The following AP4S1 variants were observed in gnomAD, a reference collection of about 807,000 sequenced individuals.
AP4S1 encodes adaptor related protein complex 4 subunit sigma 1.
Under a neutral mutation model 19.8 loss-of-function variants are expected in AP4S1, and 23 were observed. The ratio of observed to expected loss-of-function variants is 1.16; its 90% confidence interval spans 0.84 to 1.65. The LOEUF is 1.65. Among genes scored for constraint, AP4S1 ranks in the 40% most tolerant of loss-of-function variants. The pLI, the probability that AP4S1 is intolerant of heterozygous loss-of-function variation, is 0.00. For missense variants in AP4S1, 166 were observed against 172.8 expected, an observed-to-expected ratio of 0.96 and a Z score of 0.22; for synonymous variants, 46 against 54.1, an observed-to-expected ratio of 0.85 and a Z score of 0.66.
In AP4S1 at chr14:31,060,039, GTA is replaced by G. The variant is rs1016460281; in HGVS notation, c.-71-6079_-71-6078del. On this transcript the variant is annotated intron_variant, in intron 1 of 5. Coordinates refer to ENST00000542754, the MANE Select transcript of AP4S1 (RefSeq NM_001128126.3). ...TATGTATATATATTTATGTATATAT[GTA>G]TATATATTTATATATTTATGTATAT... is the stretch of plus-strand genomic sequence containing the variant. Among the ~76,000 whole-genome samples, 3 of 144,888 alleles carry G rather than the reference GTA, an allele frequency of 2.1e-5. No homozygotes were observed. The South Asian group carries it at 6.5e-4, about 31-fold the overall frequency.
chr14:31,063,751 A>G (rs1046232996), intron 1 of AP4S1, among the ~76,000 whole-genome samples: 3 of 152,186 alleles, frequency 2.0e-5, no homozygotes, highest in Non-Finnish European at 2.9e-5. Flanking sequence ...GGAAGAATCG[A>G]TGAACTCTAA....
intron 1 of AP4S1, among the ~76,000 whole-genome samples, chr14:31,064,271 A>G (rs548975760): frequency 6.6e-5 from 10 of 151,384 alleles, no homozygotes; most frequent in Non-Finnish European, 1.2e-4. Flanking sequence ...CTTTTTTTTT[A>G]AGAGTCTTGC....
chr14:31,033,752 C>T (rs993303652), intron 1 of AP4S1, among the ~76,000 whole-genome samples: 1 of 152,150 alleles, frequency 6.6e-6, no homozygotes, highest in Non-Finnish European at 1.5e-5. Context: ...CACTTGAACC[C>T]TTTGGATAAT....
intron 5 of AP4S1, among the ~76,000 whole-genome samples, chr14:31,088,583 G>A (rs964352032): frequency 1.3e-5 from 2 of 151,776 alleles, no homozygotes; most frequent in Non-Finnish European, 2.9e-5. Context: ...TGAGGCAGGC[G>A]GATCACCTGA....
chr14:31,083,672 T>G, intron 5 of AP4S1: 1 of 397,238 alleles, frequency 2.5e-6, no homozygotes, highest in Non-Finnish European at 5.0e-6. Flanking sequence ...GCCTGGCTAA[T>G]TTTTTAAATT....
At chr14:31,026,197 C>A in intron 1 of AP4S1, 1 of 1,415,508 alleles carries the variant, frequency 7.1e-7, no homozygotes, top group South Asian at 1.5e-5. Flanking sequence ...GTGTGTGGGG[C>A]CCCGGCCGGG....
intron 5 of AP4S1, chr14:31,084,833 CAG>C (rs776262242): frequency 1.9e-6 from 3 of 1,614,190 alleles, no homozygotes; most frequent in South Asian, 2.2e-5. Flanking sequence ...TGCTTTTCTC[CAG>C]ACAGTTCATC....
intron 1 of AP4S1, among the ~76,000 whole-genome samples, chr14:31,036,213 A>G (rs1884766720): frequency 6.6e-6 from 1 of 152,106 alleles, no homozygotes; most frequent in South Asian, 2.1e-4. Context: ...AATTTGTTCA[A>G]TAGCAATAGA....
intron 1 of AP4S1, among the ~76,000 whole-genome samples, chr14:31,032,472 C>T (rs1354997119): frequency 5.9e-5 from 9 of 151,680 alleles, no homozygotes; most frequent in East Asian, 1.9e-4. Context: ...GAGTGTTGAC[C>T]GGGCCTCTGA....
intron 5 of AP4S1, among the ~76,000 whole-genome samples, chr14:31,088,312 G>A (rs987317417): frequency 2.4e-4 from 37 of 152,224 alleles, no homozygotes; most frequent in African/African-American, 7.9e-4. Flanking sequence ...TGTGGGTTCT[G>A]TTTTAGTCAG....
chr14:31,066,068 A>G (rs1235139380), intron 1 of AP4S1, 58 bp from the exon 2 acceptor site: 10 of 800,420 alleles, frequency 1.2e-5, no homozygotes, highest in Non-Finnish European at 2.0e-5. Context: ...AACATTTAAT[A>G]TAATTATTTG....
At chr14:31,080,657 A>G in intron 5 of AP4S1, 73 bp downstream of exon 5, 1 of 1,604,600 alleles carries the variant, frequency 6.2e-7, no homozygotes, top group Non-Finnish European at 8.5e-7. Context: ...AAGTACCACA[A>G]GGCAGGAAAA....
At chr14:31,050,339 C>A (rs1417852633) in intron 1 of AP4S1, among the ~76,000 whole-genome samples, 1 of 152,054 alleles carries the variant, frequency 6.6e-6, no homozygotes, top group Non-Finnish European at 1.5e-5. Flanking sequence ...GGATTATAGG[C>A]GTGAGCCACC....
intron 4 of AP4S1, among the ~76,000 whole-genome samples, chr14:31,076,018 G>A (rs1310625785): frequency 6.6e-6 from 1 of 152,178 alleles, no homozygotes; most frequent in Non-Finnish European, 1.5e-5. Context: ...TTACAGGCGT[G>A]AGCCGTCACG....
chr14:31,056,948 C>T (rs1277740770), intron 1 of AP4S1, among the ~76,000 whole-genome samples: 1 of 152,032 alleles, frequency 6.6e-6, no homozygotes, highest in Non-Finnish European at 1.5e-5. Flanking sequence ...GTGGTGTGCA[C>T]CTGTAGTCCC....
intron 1 of AP4S1, among the ~76,000 whole-genome samples, chr14:31,065,924 T>A (rs1489736704): frequency 6.6e-6 from 1 of 152,194 alleles, no homozygotes; most frequent in Non-Finnish European, 1.5e-5. Flanking sequence ...CCTCCCAAAG[T>A]GCTGGAATTA....
chr14:31,039,567 G>GTTT (rs139275978), intron 1 of AP4S1, among the ~76,000 whole-genome samples: 23 of 143,414 alleles, frequency 1.6e-4, no homozygotes, highest in African/African-American at 2.7e-4. Flanking sequence ...AATAGGTGTA[G>GTTT]TTTTGTTTTT....
chr14:31,031,742 T>C (rs1289639947), intron 1 of AP4S1, among the ~76,000 whole-genome samples: 6 of 152,170 alleles, frequency 3.9e-5, no homozygotes, highest in African/African-American at 1.4e-4. Flanking sequence ...TGGAACTATC[T>C]CCCTAAACTG....
intron 5 of AP4S1, among the ~76,000 whole-genome samples, chr14:31,082,572 C>G (rs1887691688): frequency 1.3e-5 from 2 of 152,284 alleles, no homozygotes; most frequent in South Asian, 2.1e-4. Context: ...AGACACATAA[C>G]CCGCTCATCT....
Sources: allele counts gnomAD v4.1 joint callset (sites outside exome capture counted in the v4.1 genomes callset), GRCh38; gene constraint gnomAD v4.1.1; transcripts MANE v1.5; gene names NCBI Gene and HGNC (gene_info 2026-07-23, HGNC 2026-07-21).